ANK3: variants seen among roughly 807,000 people sequenced by gnomAD.
The protein encoded by ANK3 is ankyrin-3.
A neutral mutation model predicts 370.9 loss-of-function variants in ANK3; 57 were observed. That is an observed-to-expected ratio of 0.15 (90% CI 0.12 to 0.19). ANK3 has a LOEUF of 0.19. ANK3 is among the 10% of genes least tolerant of loss of function. ANK3 has a pLI of 1.00. For synonymous variants in ANK3, 1,929 were observed against 1,946.3 expected (o/e 0.99, Z 0.23); for missense variants, 4,439 against 5,302.1 (o/e 0.84, Z 5.06).
At chr10:60,037,927 TC>T (rs2075387981) in intron 43 of ANK3, among the ~76,000 whole-genome samples, 1 of 152,254 alleles carries the variant, frequency 6.6e-6, no homozygotes, top group Admixed American at 6.5e-5. Context: ...TATAAATGTT[TC>T]CTTTTCTCCA....
chr10:60,464,518 T>A (rs1281542529), intron 2 of ANK3, among the ~76,000 whole-genome samples: 2 of 151,198 alleles, frequency 1.3e-5, no homozygotes, highest in East Asian at 3.9e-4. Flanking sequence ...AACTAAAACA[T>A]CTTAAACATT....
Position 60,389,407 on chromosome 10 carries a change from T to C in ANK3, c.114+18A>G. On this transcript the variant is annotated intron_variant, in intron 1 of 43. Transcript: ENST00000280772. ...AAAAGAATCCAGGCAAGATATATGC[T>C]CTGGCATACATAGATACCTTTTTCT... is the stretch of plus-strand genomic sequence containing the variant. 3 of 1,607,202 alleles carry C rather than the reference T, an allele frequency of 1.9e-6. No homozygotes were observed. The highest frequency in any genetic ancestry group is 2.6e-6 in the Non-Finnish European group (3 of 1,175,118).
intron 23 of ANK3, among the ~76,000 whole-genome samples, chr10:60,142,960 T>G (rs955419432): frequency 3.3e-5 from 5 of 152,126 alleles, no homozygotes; most frequent in Admixed American, 2.0e-4. Context: ...TCTATAAAAC[T>G]GGGGGTAATA....
intron 34 of ANK3, chr10:60,082,394 C>T (rs2085489068): frequency 2.9e-6 from 2 of 697,022 alleles, no homozygotes; most frequent in Non-Finnish European, 4.6e-6. Context: ...AATCTATGCG[C>T]TACCAGCAGA....
chr10:60,289,939 T>C (rs772479630), intron 1 of ANK3, among the ~76,000 whole-genome samples: 4 of 152,234 alleles, frequency 2.6e-5, no homozygotes, highest in Non-Finnish European at 5.9e-5. Context: ...CACAGGGCTG[T>C]GGCTCTGCCC....
At chr10:60,046,559 G>T (rs2076998125) in intron 42 of ANK3, among the ~76,000 whole-genome samples, 1 of 152,028 alleles carries the variant, frequency 6.6e-6, no homozygotes, top group African/African-American at 2.4e-5. Flanking sequence ...TGTATTCATT[G>T]ACTTAGATTC....
chr10:60,055,954 T>C lies in ANK3; in HGVS notation c.12769A>G (p.Ile4257Val), dbSNP rs12261793. The C allele has an allele frequency of 5.2e-3, 8,325 of 1,614,092 alleles. 374 individuals are homozygous for C. In the African/African-American group the frequency reaches 0.097, roughly 19 times the overall value. ...KFEANGSHTEITPEAKTKSYF... is the reference protein window; with the variant it reads ...KFEANGSHTEVTPEAKTKSYF... ...GATTTTGTCTTTGCTTCTGGAGTGA[T>C]TTCTGTATGGCTTCCATTTGCTTCA... The change falls in exon 42 of 44, where the codon ATC becomes GTC. Residue 4257 changes from isoleucine (I) to valine (V), a missense_variant. Coordinates refer to ENST00000280772, the MANE Select transcript of ANK3 (RefSeq NM_020987.5).
intron 1 of ANK3, among the ~76,000 whole-genome samples, chr10:60,352,173 C>T (rs2056987773): frequency 6.6e-6 from 1 of 152,060 alleles, no homozygotes; most frequent in Admixed American, 6.6e-5. Flanking sequence ...GAGGTGCTTG[C>T]AAGTCCAGCT....
chr10:60,279,565 A>G lies in ANK3; in HGVS notation c.189T>C (p.Asn63=). The part of the protein sequence containing the change: ...HLEKALDYIK[N]GVDINICNQN... ...GATTGCAAATGTTGATGTCAACTCC[A>G]TTTTTTATGTAGTCGAGGGCCTTTT... is the stretch of plus-strand genomic sequence containing the variant. Residue 63 remains asparagine (N), a synonymous_variant, in exon 2 of 44, where the codon AAT becomes AAC. Transcript: ENST00000280772. 2 of 1,611,308 alleles carry G rather than the reference A, an allele frequency of 1.2e-6. No individual in the cohort carries two copies. The highest frequency in any genetic ancestry group is 1.7e-6 in the Non-Finnish European group (2 of 1,179,358).
At chr10:60,589,759 T>C (rs1595327993) in intron 2 of ANK3, among the ~76,000 whole-genome samples, 1 of 152,244 alleles carries the variant, frequency 6.6e-6, no homozygotes, top group Non-Finnish European at 1.5e-5. Flanking sequence ...AGGTCTTAGA[T>C]GGAAAAAGAT....
intron 3 of ANK3, 58 bp from the exon 4 acceptor site, chr10:60,278,930 C>T: frequency 2.5e-6 from 4 of 1,586,538 alleles, no homozygotes; most frequent in Non-Finnish European, 3.5e-6. Context: ...TTCCTGTTCT[C>T]CCCAAAGAGA....
At chr10:60,209,227 A>T (rs1188880999) in intron 9 of ANK3, among the ~76,000 whole-genome samples, 3 of 152,204 alleles carry the variant, frequency 2.0e-5, no homozygotes, top group Admixed American at 6.5e-5. Context: ...ATATTAGGGA[A>T]AAGTAATTTG....
At chr10:60,476,949 T>C (rs1484994332) in intron 2 of ANK3, among the ~76,000 whole-genome samples, 2 of 152,162 alleles carry the variant, frequency 1.3e-5, no homozygotes, top group African/African-American at 4.8e-5. Context: ...AAACTGTTTA[T>C]GAGCATCTTC....
chr10:60,279,199 G>T, intron 2 of ANK3, 51 bp from the exon 3 acceptor site: 1 of 1,496,128 alleles, frequency 6.7e-7, no homozygotes, highest in Non-Finnish European at 9.3e-7. Flanking sequence ...AAATAGAGCA[G>T]TAAACAACCG....
chr10:60,054,944 A>G (rs895001008), intron 42 of ANK3, among the ~76,000 whole-genome samples: 6 of 152,242 alleles, frequency 3.9e-5, no homozygotes, highest in Non-Finnish European at 7.3e-5. Context: ...TACTTTTAAT[A>G]TCTAAAAATA....
intron 40 of ANK3, chr10:60,062,867 T>A (rs981414698): frequency 1.3e-5 from 4 of 298,128 alleles, no homozygotes; most frequent in African/African-American, 8.6e-5. Flanking sequence ...AAATACCAAC[T>A]CTTTCAGATA....
At chr10:60,354,976 A>G (rs997925841) in intron 1 of ANK3, among the ~76,000 whole-genome samples, 2 of 152,178 alleles carry the variant, frequency 1.3e-5, no homozygotes, top group South Asian at 2.1e-4. Context: ...TAACTTTACA[A>G]CTAAAAGATT....
chr10:60,332,603 C>T (rs577645005), intron 1 of ANK3, among the ~76,000 whole-genome samples: 1 of 152,176 alleles, frequency 6.6e-6, no homozygotes, highest in Non-Finnish European at 1.5e-5. Context: ...AAAGTGACAA[C>T]TGTCAGTATT....
At chr10:60,145,586 C>T (rs2094776421) in intron 23 of ANK3, among the ~76,000 whole-genome samples, 1 of 152,076 alleles carries the variant, frequency 6.6e-6, no homozygotes, top group South Asian at 2.1e-4. Context: ...TTCTCATAAT[C>T]TTATAAAACA....
Sources: allele counts gnomAD v4.1 joint callset (sites outside exome capture counted in the v4.1 genomes callset), GRCh38; gene constraint gnomAD v4.1.1; transcripts MANE v1.5; gene names NCBI Gene and HGNC (gene_info 2026-07-23, HGNC 2026-07-21).